The following ZNF385D variants were observed in gnomAD, a reference collection of about 807,000 sequenced individuals.
The protein encoded by ZNF385D is zinc finger protein 659.
Under a neutral mutation model 35.8 loss-of-function variants are expected in ZNF385D, and 15 were observed. The ratio of observed to expected loss-of-function variants is 0.42; its 90% CI spans 0.28 to 0.64. The LOEUF (loss-of-function observed/expected upper bound fraction) is 0.64, where lower values mean the gene tolerates loss of function less well. Ranked by LOEUF, ZNF385D falls within the 30% of genes least tolerant of loss-of-function variation. The pLI, the probability that ZNF385D is intolerant of heterozygous loss-of-function variation, is 0.23. For missense variants in ZNF385D, 474 were observed against 494.6 expected, an observed-to-expected ratio of 0.96 and a Z score of 0.39; for synonymous variants, 212 against 186.8, an observed-to-expected ratio of 1.13 and a Z score of -1.10.
rs1437132017 is a variant in ZNF385D at position 21,769,690 on chromosome 3, C to T, written c.326-104662G>A. 2.4e-5 allele frequency among the ~76,000 whole-genome samples: 3 copies of T among 125,504 alleles called. 1 individual carries two copies. Among genetic ancestry groups the T allele is most frequent in the African/African-American group, 6.5e-5 (2 of 30,842 alleles). 82.3% of individuals were successfully genotyped at this position (125,504 alleles called of 152,430 possible). A position where few individuals can be genotyped will look rare whatever the true frequency, so the allele number is the denominator to read the frequency against. On this transcript the variant is annotated intron_variant, in intron 3 of 5. Transcript: ENST00000494108. ...GGTAATTTATAGATTCAATGCCATC[C>T]CCATCAAGCTCCCAATGACTTTCTT...
chr3:22,265,766 G>C (rs1047845434), intron 2 of ZNF385D, among the ~76,000 whole-genome samples: 3 of 151,866 alleles, frequency 2.0e-5, no homozygotes, highest in African/African-American at 7.2e-5. Context: ...CACCTACTAT[G>C]CATTAAGCAC....
chr3:21,591,392 A>G (rs935450318), intron 2 of ZNF385D, among the ~76,000 whole-genome samples: 1 of 152,042 alleles, frequency 6.6e-6, no homozygotes, highest in African/African-American at 2.4e-5. Context: ...AGGAGGGGGG[A>G]ACATCAGTGA....
chr3:21,832,169 T>A (rs749541835), intron 3 of ZNF385D, among the ~76,000 whole-genome samples: 1 of 152,192 alleles, frequency 6.6e-6, no homozygotes, highest in African/African-American at 2.4e-5. Context: ...ATACTCACTA[T>A]GTTAATAAAC....
intron 3 of ZNF385D, among the ~76,000 whole-genome samples, chr3:22,140,293 T>C (rs756379961): frequency 7.2e-5 from 11 of 152,222 alleles, no homozygotes; most frequent in African/African-American, 2.2e-4. Flanking sequence ...CTTAAATTCA[T>C]AATGCTGCCT....
intron 6 of ZNF385D, among the ~76,000 whole-genome samples, chr3:21,425,120 A>G (rs1472702031): frequency 6.6e-6 from 1 of 152,216 alleles, no homozygotes; most frequent in East Asian, 1.9e-4. Flanking sequence ...AACAAATTAA[A>G]ACGGAATACT....
At chr3:22,017,866 T>A (rs1462819925) in intron 3 of ZNF385D, among the ~76,000 whole-genome samples, 3 of 151,978 alleles carry the variant, frequency 2.0e-5, no homozygotes, top group Non-Finnish European at 4.4e-5. Context: ...GTATTTCATC[T>A]GAATTACTCC....
intron 3 of ZNF385D, among the ~76,000 whole-genome samples, chr3:22,029,652 CT>C (rs771661377): frequency 2.0e-5 from 3 of 152,046 alleles, no homozygotes; most frequent in Admixed American, 6.6e-5. Context: ...CTTTTATTTC[CT>C]TTTTCTTTAT....
chr3:21,425,458 G>A (rs764738325), intron 6 of ZNF385D, 34 bp downstream of exon 6: 1 of 1,545,854 alleles, frequency 6.5e-7, no homozygotes, highest in African/African-American at 1.4e-5. Flanking sequence ...GCTGTCCCTT[G>A]TTGGTTTTCA....
At chr3:22,212,097 T>C (rs1483276512) in intron 2 of ZNF385D, among the ~76,000 whole-genome samples, 1 of 152,026 alleles carries the variant, frequency 6.6e-6, no homozygotes, top group Admixed American at 6.6e-5. Flanking sequence ...AGCTTTTTTC[T>C]TCACAAACCT....
At chr3:22,063,536 A>T (rs960553572) in intron 3 of ZNF385D, among the ~76,000 whole-genome samples, 1 of 152,188 alleles carries the variant, frequency 6.6e-6, no homozygotes, top group Non-Finnish European at 1.5e-5. Context: ...AGCCTATTAA[A>T]TTCTCTAAAG....
At chr3:22,073,824 G>A (rs1700340265) in intron 3 of ZNF385D, among the ~76,000 whole-genome samples, 1 of 151,844 alleles carries the variant, frequency 6.6e-6, no homozygotes, top group African/African-American at 2.4e-5. Context: ...TACAGAAAGA[G>A]GTTATTTATT....
At chr3:21,910,851 G>A (rs972985096) in intron 3 of ZNF385D, among the ~76,000 whole-genome samples, 1 of 151,632 alleles carries the variant, frequency 6.6e-6, no homozygotes, top group Admixed American at 6.6e-5. Flanking sequence ...TCAAAATGTA[G>A]AGTACTAAGC....
At chr3:21,672,280 G>T (rs564179695) in intron 1 of ZNF385D, among the ~76,000 whole-genome samples, 1 of 142,810 alleles carries the variant, frequency 7.0e-6, no homozygotes. Context: ...TTTTCTCCCC[G>T]CCCCTCTCCT....
intron 1 of ZNF385D, among the ~76,000 whole-genome samples, chr3:21,749,500 T>C (rs987554225): frequency 1.3e-5 from 2 of 152,234 alleles, no homozygotes; most frequent in Non-Finnish European, 2.9e-5. Flanking sequence ...AAAAGACCTA[T>C]TATCTTTACA....
intron 3 of ZNF385D, among the ~76,000 whole-genome samples, chr3:21,998,968 G>T (rs140582519): frequency 1.4e-3 from 211 of 152,090 alleles, no homozygotes; most frequent in Admixed American, 4.8e-3. Flanking sequence ...TGATAAAGAG[G>T]TTATCAATTA....
chr3:22,090,185 C>T (rs551446464), intron 3 of ZNF385D, among the ~76,000 whole-genome samples: 8 of 152,042 alleles, frequency 5.3e-5, no homozygotes, highest in African/African-American at 1.4e-4. Context: ...CAAATTGCTA[C>T]AAAATTTCTG....
chr3:21,460,400 G>A (rs984793781), intron 4 of ZNF385D, among the ~76,000 whole-genome samples: 1 of 152,054 alleles, frequency 6.6e-6, no homozygotes, highest in Non-Finnish European at 1.5e-5. Context: ...AACAGTGGGT[G>A]GATAATGAAT....
intron 1 of ZNF385D, among the ~76,000 whole-genome samples, chr3:21,704,665 G>T (rs9860001): frequency 0.68 from 103,550 of 151,686 alleles, 36,029 homozygotes; most frequent in Non-Finnish European, 0.75. Context: ...TGCACCACCA[G>T]GCCCAGCTAG....
chr3:21,602,820 A>G (rs1325072108), intron 2 of ZNF385D, among the ~76,000 whole-genome samples: 2 of 151,986 alleles, frequency 1.3e-5, no homozygotes, highest in African/African-American at 4.8e-5. Context: ...GGCGTGAGCC[A>G]CCGCGCCCGG....
Sources: gnomAD v4.1 joint callset for allele counts (sites outside exome capture counted in the v4.1 genomes callset) on GRCh38, gnomAD v4.1.1 for gene constraint, MANE v1.5 for transcripts, NCBI Gene and HGNC (gene_info 2026-07-23, HGNC 2026-07-21) for gene names.